The following FYCO1 variants were observed in gnomAD, a reference collection of about 807,000 sequenced individuals.
The protein encoded by FYCO1 is FYVE and coiled-coil domain autophagy adaptor 1, also known as FYVE and coiled-coil domain-containing protein 1.
Under a neutral mutation model 165.1 loss-of-function variants are expected in FYCO1, and 122 were observed. The observed-to-expected ratio is 0.74, with a 90% CI of 0.64 to 0.86. The LOEUF (loss-of-function observed/expected upper bound fraction) is 0.86, where lower values mean the gene tolerates loss of function less well. Ranked by LOEUF, FYCO1 falls within the 40% of genes least tolerant of loss-of-function variation. The pLI is 0.00. For missense variants in FYCO1, 1,702 were observed against 1,810.3 expected, an observed-to-expected ratio of 0.94 and a Z score of 1.09; for synonymous variants, 648 against 742.5, an observed-to-expected ratio of 0.87 and a Z score of 2.07.
At chr3:45,981,788 C>G (rs761992956) in intron 2 of FYCO1, 112 bp from the exon 3 acceptor site, 9 of 756,348 alleles carry the variant, frequency 1.2e-5, no homozygotes, top group Non-Finnish European at 1.9e-5. Context: ...CAAAGCACCT[C>G]TGAAACATAA....
rs1369842572 is a variant in FYCO1 at position 45,967,123 on chromosome 3, GC to G, written c.2210del (p.Cys737SerfsTer7). ...CCTCAATCAGCTGGGTCTGCTGCTG[GC>G]ACTGGCTCTCGAGAGCCCTAAGCTC... ...HRELRALESQCQQQTQLIEVL... is the reference protein window; with the variant it reads ...HRELRALESQXQQQTQLIEVL... On this transcript the variant is annotated frameshift_variant, in exon 8 of 18. Transcript: ENST00000296137. LOFTEE classifies it high-confidence loss of function. 2 of 1,613,722 alleles carry G rather than the reference GC, an allele frequency of 1.2e-6. No homozygotes were observed. The highest frequency in any genetic ancestry group is 1.7e-6 in the Non-Finnish European group (2 of 1,179,888).
At chr3:45,955,085 C>T (rs550060999) in intron 14 of FYCO1, among the ~76,000 whole-genome samples, 164 bp downstream of exon 14, 72 of 152,324 alleles carry the variant, frequency 4.7e-4, no homozygotes, top group African/African-American at 1.7e-3. Context: ...ACACTGACAA[C>T]TTCCCGAGCG....
At chr3:45,929,388 G>A (rs1277252991) in intron 16 of FYCO1, among the ~76,000 whole-genome samples, 17 of 152,346 alleles carry the variant, frequency 1.1e-4, no homozygotes, top group Non-Finnish European at 1.5e-5. Flanking sequence ...CAAGGGGAGA[G>A]GCCCACAGCC....
intron 14 of FYCO1, among the ~76,000 whole-genome samples, chr3:45,936,983 T>G (rs1360843701): frequency 6.6e-6 from 1 of 151,990 alleles, no homozygotes; most frequent in Non-Finnish European, 1.5e-5. Context: ...CAGGGGAGAT[T>G]TTTAACACCT....
chr3:45,968,022 T>C lies in FYCO1; in HGVS notation c.1312A>G (p.Lys438Glu). Reference sequence around the variant, plus strand: ...TCCAGGCTGGCCCGGGCATCCTCTTTCAGCTGAAGCTCCTTGACCAGCTGT... The same window carrying C: ...TCCAGGCTGGCCCGGGCATCCTCTTCCAGCTGAAGCTCCTTGACCAGCTGT... ...LEQLVKELQL[K>E]EDARASLERL... The change falls in exon 8 of 18, where the codon AAA (lysine) becomes GAA (glutamate). Residue 438 changes from lysine (K) to glutamate (E), a missense_variant. Transcript: ENST00000296137. 6.2e-7 allele frequency: 1 copy of C among 1,614,120 alleles called. No homozygotes were observed. The highest frequency in any genetic ancestry group is 1.1e-5 in the South Asian group (1 of 91,080).
At position 45,921,682 on chromosome 3, in the gene FYCO1, A is replaced by C. The variant is rs1703097826; in HGVS notation, c.*83T>G. On this transcript the variant is annotated 3_prime_UTR_variant, in exon 18 of 18. Coordinates refer to ENST00000296137, the MANE Select transcript of FYCO1 (RefSeq NM_024513.4). Reference sequence around the variant, plus strand: ...TGAGTTGATGATTTTGGAGCAGCTGACTTTTTAAAAAAATGCTTTATGTGA... The same window carrying C: ...TGAGTTGATGATTTTGGAGCAGCTGCCTTTTTAAAAAAATGCTTTATGTGA... 4 of 974,766 alleles carry C rather than the reference A, an allele frequency of 4.1e-6. No individual in the cohort carries two copies. Among genetic ancestry groups the C allele is most frequent in the Non-Finnish European group, 6.6e-6 (4 of 601,958 alleles). 60.4% of individuals were successfully genotyped at this position (974,766 alleles called of 1,614,324 possible).
intron 2 of FYCO1, chr3:45,984,552 A>C (rs940964778): frequency 2.0e-6 from 1 of 511,600 alleles, no homozygotes; most frequent in African/African-American, 1.9e-5. Flanking sequence ...CCAAAGACTT[A>C]ACAGGCAGCT....
rs755356775 is a variant in FYCO1, at chr3:45,979,713, T to A, written c.280A>T (p.Ile94Phe). ...CTGCTTGCTCAGCTTACCTCTGAGA[T>A]AGACTTGACAAAGCGGATCCCATCA... ...ANDGIRFVKS[I>F]SELRTSLGKG... is the part of the protein sequence containing the mutation. Residue 94 changes from isoleucine to phenylalanine, a missense_variant, in exon 4 of 18, where the codon ATC becomes TTC. Ile to Phe is a conservative substitution (Grantham distance 21). Coordinates refer to ENST00000296137, the MANE Select transcript of FYCO1 (RefSeq NM_024513.4). The A allele has an allele frequency of 6.2e-7, 1 of 1,613,856 alleles. No individual in the cohort carries two copies. The highest frequency in any genetic ancestry group is 1.3e-5 in the African/African-American group (1 of 74,940).
At chr3:45,943,801 T>C (rs949539528) in intron 14 of FYCO1, among the ~76,000 whole-genome samples, 1 of 152,200 alleles carries the variant, frequency 6.6e-6, no homozygotes, top group Non-Finnish European at 1.5e-5. Context: ...AGTAATGGCA[T>C]AGTCAGACCC....
At chr3:45,947,280 C>T in intron 14 of FYCO1, 2 of 1,614,120 alleles carry the variant, frequency 1.2e-6, no homozygotes, top group South Asian at 2.2e-5. Flanking sequence ...GACCAGCTTT[C>T]ACTACACCAT....
At chr3:45,987,117 T>C (rs1432295736) in intron 1 of FYCO1, among the ~76,000 whole-genome samples, 2 of 152,038 alleles carry the variant, frequency 1.3e-5, no homozygotes, top group Admixed American at 1.3e-4. Flanking sequence ...CTGTGCTGAG[T>C]CAAAGAAGCC....
chr3:45,969,337 C>T (rs946026971), intron 7 of FYCO1, among the ~76,000 whole-genome samples: 1 of 152,204 alleles, frequency 6.6e-6, no homozygotes, highest in Non-Finnish European at 1.5e-5. Flanking sequence ...TTTATTATCC[C>T]CATCCTGTGG....
In FYCO1 at chr3:45,964,528, G is replaced by T; in HGVS notation, c.3151-74C>A. On this transcript the variant is annotated intron_variant, in intron 9 of 17. Coordinates refer to ENST00000296137, the MANE Select transcript of FYCO1 (RefSeq NM_024513.4). This position sits in a 1 kb window ranked among gnomAD's most constrained non-coding sequence, Gnocchi z 4.1. Reference sequence around the variant, plus strand: ...CAACGTACCATAAAGTGGCTGGTGTGCCATCCACCCCATCTGGCTGGGTCA... The same window carrying T: ...CAACGTACCATAAAGTGGCTGGTGTTCCATCCACCCCATCTGGCTGGGTCA... 1 of 1,600,364 alleles carries T rather than the reference G, an allele frequency of 6.2e-7. No individual in the cohort carries two copies. The highest frequency in any genetic ancestry group is 8.5e-7 in the Non-Finnish European group (1 of 1,174,186).
intron 3 of FYCO1, among the ~76,000 whole-genome samples, chr3:45,980,952 C>T (rs1245617320): frequency 6.6e-6 from 1 of 152,106 alleles, no homozygotes; most frequent in Non-Finnish European, 1.5e-5. Flanking sequence ...ACTTTTTGGG[C>T]TAAGCAGGGA....
chr3:45,961,711 T>G (rs1705704264), intron 11 of FYCO1, among the ~76,000 whole-genome samples: 1 of 152,190 alleles, frequency 6.6e-6, no homozygotes, highest in South Asian at 2.1e-4. Context: ...GGTAAGCAGG[T>G]GGGTCTACAG....
Position 45,984,969 on chromosome 3 carries a change from A to C in FYCO1, c.-59T>G. Reference sequence around the variant, plus strand: ...GCCTGGGTCCAGAGGAAGGCTCAGAATTTCGGCCCTCGGTGGCTGTCTGCT... The same window carrying C: ...GCCTGGGTCCAGAGGAAGGCTCAGACTTTCGGCCCTCGGTGGCTGTCTGCT... On this transcript the variant is annotated 5_prime_UTR_variant, in exon 2 of 18. Coordinates refer to ENST00000296137, the MANE Select transcript of FYCO1 (RefSeq NM_024513.4). The C allele has an allele frequency of 6.3e-7, 1 of 1,585,766 alleles. No homozygotes were observed. Among genetic ancestry groups the C allele is most frequent in the South Asian group, 1.1e-5 (1 of 90,466 alleles).
rs747740941 is a variant in FYCO1 at position 45,967,332 on chromosome 3, C to G, written c.2002G>C (p.Ala668Pro). Reference sequence around the variant, plus strand: ...TGGTCACCCAAGTGCCGGATGCTGGCCTGCTCGGCCTCCAGGGAGGCCAAG... The same window carrying G: ...TGGTCACCCAAGTGCCGGATGCTGGGCTGCTCGGCCTCCAGGGAGGCCAAG... ...GSLASLEAEQASIRHLGDQME... is the reference protein window; with the variant it reads ...GSLASLEAEQPSIRHLGDQME... Residue 668 changes from alanine to proline, a missense_variant, in exon 8 of 18, where the codon GCC (alanine) becomes CCC (proline). Coordinates refer to ENST00000296137, the MANE Select transcript of FYCO1 (RefSeq NM_024513.4). 1.9e-6 allele frequency: 3 copies of G among 1,610,658 alleles called. No homozygotes were observed. The highest frequency in any genetic ancestry group is 2.7e-5 in the African/African-American group (2 of 74,880).
chr3:45,988,982 T>A (rs980768229), intron 1 of FYCO1, among the ~76,000 whole-genome samples: 5 of 152,214 alleles, frequency 3.3e-5, no homozygotes, highest in Non-Finnish European at 5.9e-5. Flanking sequence ...CATGCAAACC[T>A]ATTTATGCTA....
intron 14 of FYCO1, chr3:45,945,194 G>T (rs1314216980): frequency 6.6e-6 from 1 of 152,220 alleles, no homozygotes; most frequent in Non-Finnish European, 1.5e-5. Context: ...TAACCTCATC[G>T]TTTATATGCA....
Sources: gnomAD v4.1 joint callset for allele counts (sites outside exome capture counted in the v4.1 genomes callset) on GRCh38, gnomAD v4.1.1 for gene constraint, Gnocchi (gnomAD v3.1) non-coding constraint, MANE v1.5 for transcripts, NCBI Gene and HGNC (gene_info 2026-07-23, HGNC 2026-07-21) for gene names.